Variants in SLC39A11 observed in about 807,000 individuals in gnomAD.
SLC39A11 encodes zinc transporter ZIP11.
A neutral mutation model predicts 36.1 loss-of-function variants in SLC39A11; 33 were observed. The ratio of observed to expected loss-of-function variants is 0.91; its 90% CI spans 0.69 to 1.22. The LOEUF is 1.22. SLC39A11 is among the 50% of genes most tolerant of loss of function. The pLI is 0.00. For missense variants in SLC39A11, 432 were observed against 430.3 expected, an observed-to-expected ratio of 1.00 and a Z score of -0.03; for synonymous variants, 166 against 170.3, an observed-to-expected ratio of 0.97 and a Z score of 0.20.
chr17:73,005,780 C>T (rs2090142563), intron 4 of SLC39A11, among the ~76,000 whole-genome samples: 1 of 152,082 alleles, frequency 6.6e-6, no homozygotes, highest in South Asian at 2.1e-4. Flanking sequence ...ACCCACGTCT[C>T]TACTAAAAAT....
intron 6 of SLC39A11, among the ~76,000 whole-genome samples, chr17:72,756,025 T>A (rs2075355926): frequency 6.6e-6 from 1 of 152,220 alleles, no homozygotes; most frequent in South Asian, 2.1e-4. Flanking sequence ...TTAGGATGTC[T>A]ACTCTCGAGA....
intron 5 of SLC39A11, among the ~76,000 whole-genome samples, chr17:72,905,981 C>T (rs1245227208): frequency 1.3e-5 from 2 of 152,172 alleles, no homozygotes; most frequent in African/African-American, 2.4e-5. Context: ...TCTCAGTCTC[C>T]TGACCTCCTG....
intron 6 of SLC39A11, chr17:72,839,710 C>T (rs2078721444): frequency 6.6e-6 from 1 of 152,236 alleles, no homozygotes; most frequent in African/African-American, 2.4e-5. Flanking sequence ...CCAAGGCAGT[C>T]CTTCATTCTG....
intron 6 of SLC39A11, among the ~76,000 whole-genome samples, chr17:72,777,160 T>C (rs1323971338): frequency 6.6e-6 from 1 of 151,926 alleles, no homozygotes; most frequent in Non-Finnish European, 1.5e-5. Context: ...CAATAACAAA[T>C]CCCTATCGAA....
At chr17:72,727,917 T>A (rs2073999743) in intron 7 of SLC39A11, among the ~76,000 whole-genome samples, 1 of 152,130 alleles carries the variant, frequency 6.6e-6, no homozygotes. Flanking sequence ...CCTGTCTTCT[T>A]CCCAGGTCAG....
At chr17:72,841,174 T>G (rs950622194) in intron 6 of SLC39A11, among the ~76,000 whole-genome samples, 2 of 152,244 alleles carry the variant, frequency 1.3e-5, no homozygotes, top group African/African-American at 4.8e-5. Context: ...TAATACATAT[T>G]GAATACATCA....
intron 7 of SLC39A11, among the ~76,000 whole-genome samples, chr17:72,662,074 C>T (rs2070448091): frequency 6.6e-6 from 1 of 152,158 alleles, no homozygotes; most frequent in South Asian, 2.1e-4. Flanking sequence ...GGTGGGGGCA[C>T]ACATCTGAGA....
intron 5 of SLC39A11, among the ~76,000 whole-genome samples, chr17:72,899,031 C>T (rs1485365505): frequency 8.7e-6 from 1 of 114,720 alleles, no homozygotes. Flanking sequence ...AGTAATTCGG[C>T]TGCACTCTCC....
At chr17:73,055,997 T>C (rs1463340974) in intron 3 of SLC39A11, among the ~76,000 whole-genome samples, 2 of 152,184 alleles carry the variant, frequency 1.3e-5, no homozygotes, top group East Asian at 3.9e-4. Context: ...AAATTTGCTG[T>C]AATTGTCTTT....
chr17:73,075,745 AG>A (rs2144619499), intron 3 of SLC39A11, among the ~76,000 whole-genome samples: 1 of 152,130 alleles, frequency 6.6e-6, no homozygotes, highest in East Asian at 1.9e-4. Flanking sequence ...CACAGCTACT[AG>A]GGAGGCTGAG....
chr17:73,036,435 T>C (rs988940630), intron 3 of SLC39A11, among the ~76,000 whole-genome samples: 6 of 137,708 alleles, frequency 4.4e-5, no homozygotes, highest in Non-Finnish European at 9.2e-5. Context: ...TTTTTTGTTT[T>C]GTTTTTTGTT....
At chr17:72,740,993 C>T (rs1241335378) in intron 6 of SLC39A11, among the ~76,000 whole-genome samples, 2 of 151,976 alleles carry the variant, frequency 1.3e-5, no homozygotes, top group Non-Finnish European at 2.9e-5. Flanking sequence ...AGGCTGGTCT[C>T]GAACTCCTGA....
chr17:73,067,790 C>T (rs1322435845), intron 3 of SLC39A11: 1 of 1,255,464 alleles, frequency 8.0e-7, no homozygotes, highest in Non-Finnish European at 1.2e-6. Flanking sequence ...AGTCTCTTGC[C>T]ACAAGCATCA....
In SLC39A11 at chr17:72,906,013, A is replaced by G. The variant is rs113894795; in HGVS notation, c.430+41739T>C. ...CCTGATCCGCCTGCCTTGGCCTCCC[A>G]AAGTGCTGGGATTACAGGCGTGAGC... On this transcript the variant is annotated intron_variant, in intron 5 of 9. Coordinates refer to ENST00000255559, the MANE Select transcript of SLC39A11 (RefSeq NM_139177.4). 2.4e-3 allele frequency among the ~76,000 whole-genome samples: 373 copies of G among 152,250 alleles called. 1 individual carries two copies. The highest frequency in any genetic ancestry group is 8.8e-3 in the African/African-American group (366 of 41,552).
At chr17:72,915,394 C>T (rs1241499620) in intron 5 of SLC39A11, among the ~76,000 whole-genome samples, 1 of 152,230 alleles carries the variant, frequency 6.6e-6, no homozygotes, top group African/African-American at 2.4e-5. Flanking sequence ...CCTCGCTTTT[C>T]CTGAGAAAAT....
intron 1 of SLC39A11, among the ~76,000 whole-genome samples, chr17:73,090,798 G>A (rs2060898350): frequency 6.6e-6 from 1 of 152,144 alleles, no homozygotes; most frequent in Non-Finnish European, 1.5e-5. Context: ...ACCCGTCTAA[G>A]CCTGTCCCCA....
chr17:73,056,769 A>C (rs1355773080), intron 3 of SLC39A11, among the ~76,000 whole-genome samples: 5 of 152,098 alleles, frequency 3.3e-5, no homozygotes, highest in Non-Finnish European at 5.9e-5. Flanking sequence ...CTACTCCTCT[A>C]ACTGGAACTC....
At chr17:72,956,921 G>A (rs2086275591) in intron 4 of SLC39A11, among the ~76,000 whole-genome samples, 1 of 152,156 alleles carries the variant, frequency 6.6e-6, no homozygotes, top group South Asian at 2.1e-4. Flanking sequence ...ATGGTCAACT[G>A]GGCATGGCTG....
chr17:72,983,902 A>C (rs945523894), intron 4 of SLC39A11, among the ~76,000 whole-genome samples: 8 of 152,170 alleles, frequency 5.3e-5, no homozygotes, highest in Non-Finnish European at 8.8e-5. Context: ...GCTCCAAGGG[A>C]AGTGGGGATC....
Sources: allele counts gnomAD v4.1 joint callset (sites outside exome capture counted in the v4.1 genomes callset), GRCh38; gene constraint gnomAD v4.1.1; transcripts MANE v1.5; gene names NCBI Gene and HGNC (gene_info 2026-07-23, HGNC 2026-07-21).